The following C10orf90 variants were observed in gnomAD, a reference collection of about 807,000 sequenced individuals.
C10orf90 encodes chromosome 10 open reading frame 90, also known as (E2-independent) E3 ubiquitin-conjugating enzyme FATS.
A neutral mutation model predicts 62.5 loss-of-function variants in C10orf90; 56 were observed. That is an observed-to-expected ratio of 0.90 (90% CI 0.72 to 1.12). The LOEUF (loss-of-function observed/expected upper bound fraction) is 1.12, where lower values mean the gene tolerates loss of function less well. Ranked by LOEUF, C10orf90 falls within the 50% of genes most tolerant of loss-of-function variation. The pLI is 0.00. For synonymous variants in C10orf90, 386 were observed against 340.4 expected, an observed-to-expected ratio of 1.13 and a Z score of -1.47; for missense variants, 970 against 880.4, an observed-to-expected ratio of 1.10 and a Z score of -1.29.
chr10:126,440,141 G>A (rs186947398), intron 7 of C10orf90, among the ~76,000 whole-genome samples: 10 of 152,296 alleles, frequency 6.6e-5, no homozygotes, highest in Non-Finnish European at 1.0e-4. Context: ...ACAGCTGGGC[G>A]GCAGGTAGCT....
chr10:126,476,144 A>G (rs1389692115), intron 4 of C10orf90, among the ~76,000 whole-genome samples: 2 of 152,196 alleles, frequency 1.3e-5, no homozygotes, highest in African/African-American at 2.4e-5. Context: ...CAGGAAAGGA[A>G]GTGAATTCCA....
At position 126,576,712 on chromosome 10, in the gene C10orf90, TA is replaced by T. The variant is rs1844626164; in HGVS notation, c.314-62774del. On this transcript the variant is annotated intron_variant, in intron 2 of 9. Coordinates refer to ENST00000488181, the MANE Select transcript of C10orf90 (RefSeq NM_001350921.2). Reference sequence around the variant, plus strand: ...ATACATGTATATGTATATGTATATATATACAAGATATACATATATATGTATA... The same window carrying T: ...ATACATGTATATGTATATGTATATATTACAAGATATACATATATATGTATA... 1.3e-4 allele frequency among the ~76,000 whole-genome samples: 4 copies of T among 30,652 alleles called. 2 individuals carry two copies. Among genetic ancestry groups the T allele is most frequent in the Non-Finnish European group, 2.6e-4 (4 of 15,374 alleles). The allele number at this position is 30,652 out of a possible 152,430, so 20.1% of individuals were successfully genotyped here.
In C10orf90 at chr10:126,433,421, G is replaced by A. The variant is rs375042554; in HGVS notation, c.2189-3571C>T. Among the ~76,000 whole-genome samples the A allele has an allele frequency of 8.7e-4, 132 of 152,220 alleles. 3 individuals carry two copies. In the South Asian group the frequency reaches 0.021, roughly 24 times the overall value. On this transcript the variant is annotated intron_variant, in intron 7 of 9. Transcript: ENST00000488181. ...TCCATAACAGGAGACAGCTGAGCTG[G>A]GTCATGAAGTAGAGAGAGACATACC...
chr10:126,508,970 C>T (rs1862932370), intron 3 of C10orf90, among the ~76,000 whole-genome samples: 1 of 152,174 alleles, frequency 6.6e-6, no homozygotes, highest in African/African-American at 2.4e-5. Context: ...GGACCGAGCC[C>T]TGAAGCCACA....
intron 2 of C10orf90, among the ~76,000 whole-genome samples, chr10:126,536,080 G>T (rs1419133442): frequency 6.6e-6 from 1 of 152,168 alleles, no homozygotes; most frequent in Non-Finnish European, 1.5e-5. Context: ...GCAAGATTTG[G>T]GTCTCCCAGG....
At chr10:126,477,969 C>T (rs1860976551) in intron 4 of C10orf90, among the ~76,000 whole-genome samples, 1 of 152,214 alleles carries the variant, frequency 6.6e-6, no homozygotes. Flanking sequence ...TCTGCTGACT[C>T]ACGCCCCTGG....
Position 126,644,880 on chromosome 10 carries a change from T to G in C10orf90, c.313+1685A>C, listed in dbSNP as rs575431332. Among the ~76,000 whole-genome samples the G allele has an allele frequency of 4.9e-4, 74 of 152,324 alleles. 1 individual carries two copies. The highest frequency in any genetic ancestry group is 2.9e-5 in the Non-Finnish European group (2 of 68,038). On this transcript the variant is annotated intron_variant, in intron 2 of 9. Coordinates refer to ENST00000488181, the MANE Select transcript of C10orf90 (RefSeq NM_001350921.2). ...ACCAGACAGGTTTTGGGAGCCTGCC[T>G]TTGCTGTTCAGACCACAAGAAGTGC...
At chr10:126,432,977 A>T (rs1857678877) in intron 7 of C10orf90, among the ~76,000 whole-genome samples, 1 of 152,224 alleles carries the variant, frequency 6.6e-6, no homozygotes, top group South Asian at 2.1e-4. Context: ...TTGCTAAAAG[A>T]TGACCACAGT....
intron 2 of C10orf90, among the ~76,000 whole-genome samples, chr10:126,595,766 C>A (rs1220241461): frequency 6.6e-6 from 1 of 152,156 alleles, no homozygotes; most frequent in Admixed American, 6.5e-5. Flanking sequence ...GCGAATATAG[C>A]AGTGGAGGAG....
chr10:126,436,567 C>T (rs1361347182), intron 7 of C10orf90, among the ~76,000 whole-genome samples: 1 of 152,168 alleles, frequency 6.6e-6, no homozygotes, highest in Admixed American at 6.6e-5. Flanking sequence ...TGGCAAGTCA[C>T]CTTAGGCCTT....
chr10:126,609,377 T>C (rs1845383173), intron 2 of C10orf90, among the ~76,000 whole-genome samples: 1 of 152,200 alleles, frequency 6.6e-6, no homozygotes, highest in Admixed American at 6.5e-5. Context: ...CACTCCAGCC[T>C]GGGCAAAAAG....
Position 126,514,027 on chromosome 10 carries a change from C to T in C10orf90, c.314-88G>A. On this transcript the variant is annotated intron_variant, in intron 2 of 9. Transcript: ENST00000488181. ...ACTCTACTGTAAAATTTAATGTCACCTACTCACATATTCTATCAGCCAACA... is the reference window on the plus strand; with the variant it reads ...ACTCTACTGTAAAATTTAATGTCACTTACTCACATATTCTATCAGCCAACA... 3 of 895,778 alleles carry T rather than the reference C, an allele frequency of 3.3e-6. No individual in the cohort carries two copies. The South Asian group carries it at 4.6e-5, about 14-fold the overall frequency. 55.5% of individuals were successfully genotyped at this position (895,778 alleles called of 1,614,324 possible).
intron 3 of C10orf90, among the ~76,000 whole-genome samples, chr10:126,512,510 A>T (rs1285036536): frequency 1.3e-5 from 2 of 152,132 alleles, no homozygotes; most frequent in Non-Finnish European, 2.9e-5. Context: ...TGAGATCAAT[A>T]GGAAAATGCT....
intron 4 of C10orf90, among the ~76,000 whole-genome samples, chr10:126,489,458 A>G (rs1861605299): frequency 6.6e-6 from 1 of 152,140 alleles, no homozygotes; most frequent in Non-Finnish European, 1.5e-5. Context: ...CAACAAAAAC[A>G]TGGAAAGATG....
At chr10:126,664,198 G>A (rs576286562) in intron 1 of C10orf90, among the ~76,000 whole-genome samples, 31 of 152,260 alleles carry the variant, frequency 2.0e-4, no homozygotes, top group African/African-American at 7.5e-4. Flanking sequence ...AAGGTCATAA[G>A]TCTCTGTGAC....
At chr10:126,622,319 A>C (rs1315661902) in intron 2 of C10orf90, among the ~76,000 whole-genome samples, 2 of 151,936 alleles carry the variant, frequency 1.3e-5, no homozygotes, top group African/African-American at 2.4e-5. Flanking sequence ...ACTCAGACCC[A>C]ACTTTCCAAT....
intron 2 of C10orf90, among the ~76,000 whole-genome samples, chr10:126,574,396 C>CAT (rs145845034): frequency 0.04 from 6,011 of 152,056 alleles, 386 homozygotes; most frequent in African/African-American, 0.14. Context: ...TTTCCTTAAA[C>CAT]ATGAAAATAT....
chr10:126,663,804 G>C (rs914668330), intron 1 of C10orf90, among the ~76,000 whole-genome samples: 4 of 152,126 alleles, frequency 2.6e-5, no homozygotes, highest in African/African-American at 9.7e-5. Context: ...TAAAAACATA[G>C]ATTTCTGGAT....
chr10:126,506,279 G>T (rs1482860708), intron 3 of C10orf90, among the ~76,000 whole-genome samples: 1 of 152,134 alleles, frequency 6.6e-6, no homozygotes, highest in Non-Finnish European at 1.5e-5. Context: ...TTCTATTATG[G>T]TTATGTGTGA....
Sources: gnomAD v4.1 joint callset for allele counts (sites outside exome capture counted in the v4.1 genomes callset) on GRCh38, gnomAD v4.1.1 for gene constraint, MANE v1.5 for transcripts, NCBI Gene and HGNC (gene_info 2026-07-23, HGNC 2026-07-21) for gene names.